Variants in HDAC11 observed in about 807,000 individuals in gnomAD.
HDAC11 encodes the protein histone deacetylase 11.
A neutral mutation model predicts 41.1 loss-of-function variants in HDAC11; 23 were observed. The observed-to-expected ratio is 0.56, with a 90% CI of 0.40 to 0.79. HDAC11 has a LOEUF of 0.79. HDAC11 is among the 30% of genes least tolerant of loss of function. The probability of loss-of-function intolerance (pLI) is 0.00; values close to 1 mark genes in which losing one functional copy is unlikely to be tolerated. For missense variants in HDAC11, 402 were observed against 477.3 expected (o/e 0.84, Z 1.47); for synonymous variants, 187 against 186.6 (o/e 1.00, Z -0.02).
intron 3 of HDAC11, among the ~76,000 whole-genome samples, chr3:13,487,882 C>G (rs79943116): frequency 2.6e-5 from 4 of 151,576 alleles, no homozygotes; most frequent in Non-Finnish European, 5.9e-5. Flanking sequence ...TGCTGAGTGT[C>G]GTGAAGAAAG....
intron 4 of HDAC11, among the ~76,000 whole-genome samples, chr3:13,497,353 A>G (rs1702147982): frequency 6.6e-6 from 1 of 151,790 alleles, no homozygotes; most frequent in East Asian, 1.9e-4. Context: ...TAATTTTTGT[A>G]TTTTTAGTAG....
At chr3:13,489,998 CT>C (rs144558733) in intron 3 of HDAC11, among the ~76,000 whole-genome samples, 231 of 144,836 alleles carry the variant, frequency 1.6e-3, no homozygotes, top group Non-Finnish European at 1.5e-3. Context: ...CAACTTTGTT[CT>C]TTTTTTTTTT....
Position 13,483,336 on chromosome 3 carries a change from C to T in HDAC11, c.152-128C>T, listed in dbSNP as rs1701409316. On this transcript the variant is annotated intron_variant, in intron 2 of 9. Transcript: ENST00000295757. ...TACCCCTTCTCAGAAGGCCCACAAG[C>T]CAGCAGTGCCTACCTACCCCTGGGG... 16 of 716,816 alleles carry T rather than the reference C, an allele frequency of 2.2e-5. No individual in the cohort carries two copies. The South Asian group carries it at 2.4e-4, about 11-fold the overall frequency. The allele number at this position is 716,816 out of a possible 1,614,324, so 44.4% of individuals were successfully genotyped here. A position where few individuals can be genotyped will look rare whatever the true frequency, so the allele number is the denominator to read the frequency against.
chr3:13,486,984 A>G (rs1701625986), intron 3 of HDAC11, among the ~76,000 whole-genome samples: 1 of 152,148 alleles, frequency 6.6e-6, no homozygotes, highest in African/African-American at 2.4e-5. Flanking sequence ...GCCGGATGGA[A>G]GGGAATAAAA....
intron 4 of HDAC11, among the ~76,000 whole-genome samples, chr3:13,498,044 C>T (rs373394727): frequency 1.3e-5 from 2 of 151,688 alleles, no homozygotes; most frequent in South Asian, 2.1e-4. Context: ...TTAGTAGAGA[C>T]GGGGTTTCAC....
In HDAC11 at chr3:13,505,248, GC is replaced by G. The variant is rs2125013514; in HGVS notation, c.*567del. 1 of 161,494 alleles carries G rather than the reference GC, an allele frequency of 6.2e-6. No homozygotes were observed. Among genetic ancestry groups the G allele is most frequent in the Non-Finnish European group, 1.4e-5 (1 of 72,898 alleles). 10.0% of individuals were successfully genotyped at this position (161,494 alleles called of 1,614,324 possible). A position where few individuals can be genotyped will look rare whatever the true frequency, so the allele number is the denominator to read the frequency against. On this transcript the variant is annotated 3_prime_UTR_variant, in exon 10 of 10. Transcript: ENST00000295757. ...CCCAGGCAGCAGGTGGGAACCCTGG[GC>G]CTGGATGTGAGGGGCGGTCAGGAAG...
intron 3 of HDAC11, among the ~76,000 whole-genome samples, chr3:13,488,036 A>G (rs1284429425): frequency 6.6e-6 from 1 of 151,108 alleles, no homozygotes; most frequent in Non-Finnish European, 1.5e-5. Flanking sequence ...CATCTGGGGA[A>G]GGGCATTCCA....
intron 2 of HDAC11, among the ~76,000 whole-genome samples, chr3:13,481,647 T>C (rs945788952): frequency 1.3e-5 from 2 of 152,150 alleles, no homozygotes; most frequent in Admixed American, 1.3e-4. Flanking sequence ...AGAGGCCTAG[T>C]GGAAAGGTAG....
Position 13,502,419 on chromosome 3 carries a change from C to CA in HDAC11, c.553-464dup. ...TCCTCCTCAGGACCCCTAATGAGGC[C>CA]AGTGCCTCTGGTCAGACAGGGAGGG... On this transcript the variant is annotated intron_variant, in intron 7 of 9. Coordinates refer to ENST00000295757, the MANE Select transcript of HDAC11 (RefSeq NM_024827.4). This position sits in a 1 kb window ranked among gnomAD's most constrained non-coding sequence, Gnocchi z 4.1. 5.3e-6 allele frequency: 1 copy of CA among 187,140 alleles called. No homozygotes were observed. The highest frequency in any genetic ancestry group is 1.1e-5 in the Non-Finnish European group (1 of 89,726). The allele number at this position is 187,140 out of a possible 1,614,324, so 11.6% of individuals were successfully genotyped here. A position where few individuals can be genotyped will look rare whatever the true frequency, so the allele number is the denominator to read the frequency against.
chr3:13,493,903 C>T (rs1701975118), intron 3 of HDAC11, among the ~76,000 whole-genome samples: 1 of 152,224 alleles, frequency 6.6e-6, no homozygotes, highest in South Asian at 2.1e-4. Context: ...AAGTGTGTCC[C>T]ATGCCACTGC....
intron 3 of HDAC11, among the ~76,000 whole-genome samples, chr3:13,489,945 G>A (rs1701769492): frequency 6.6e-6 from 1 of 151,298 alleles, no homozygotes; most frequent in African/African-American, 2.4e-5. Context: ...TGTGGTTATT[G>A]TGGCTTTGGA....
In HDAC11 at chr3:13,504,539, C is replaced by T. The variant is rs377587104; in HGVS notation, c.900C>T (p.Thr300=). Residue 300 remains threonine, a synonymous_variant, in exon 10 of 10, where the codon ACC becomes ACT. Transcript: ENST00000295757. ...RGRRVPILMV[T]SGGYQKRTAR... is the part of the protein sequence containing the mutation. ...GCCGGGTGCCCATCCTTATGGTGAC[C>T]TCAGGCGGGTACCAGAAGCGCACAG... 2.0e-5 allele frequency: 33 copies of T among 1,613,458 alleles called. No homozygotes were observed. The highest frequency in any genetic ancestry group is 2.6e-5 in the Non-Finnish European group (31 of 1,180,030).
rs192300982 is a variant in HDAC11 at position 13,497,942 on chromosome 3, G to C, written c.370-571G>C. Among the ~76,000 whole-genome samples, 512 of 135,132 alleles carry C rather than the reference G, an allele frequency of 3.8e-3. 6 individuals carry two copies. The highest frequency in any genetic ancestry group is 0.029 in the South Asian group (126 of 4,352). The allele number at this position is 135,132 out of a possible 152,430, so 88.7% of individuals were successfully genotyped here. ...GTGACCTTGGCTCACTGCAACCTCT[G>C]CCTCCTGGGTTCAAGTGATTCTCCT... is the stretch of plus-strand genomic sequence containing the variant. On this transcript the variant is annotated intron_variant, in intron 4 of 9. Transcript: ENST00000295757.
intron 5 of HDAC11, among the ~76,000 whole-genome samples, chr3:13,499,771 C>T (rs1702267857): frequency 1.3e-5 from 2 of 152,168 alleles, no homozygotes; most frequent in Admixed American, 6.5e-5. Flanking sequence ...GATCTGTGCC[C>T]TGCGTGTCTA....
intron 8 of HDAC11, 92 bp downstream of exon 8, chr3:13,503,072 C>A: frequency 2.2e-6 from 2 of 904,602 alleles, no homozygotes; most frequent in Non-Finnish European, 3.6e-6. Flanking sequence ...CTGCAGAAGC[C>A]ACTGCAGTGG....
At chr3:13,492,848 G>A (rs1020464688) in intron 3 of HDAC11, among the ~76,000 whole-genome samples, 1 of 152,180 alleles carries the variant, frequency 6.6e-6, no homozygotes, top group African/African-American at 2.4e-5. Context: ...CTGGCTGGGT[G>A]TGGGGATTTT....
rs755912986 is a variant in HDAC11, at chr3:13,503,016, C to T, written c.649+36C>T. ...GCCCCTACCCTCATCTTGGGTGTGT[C>T]CTTGTGGATGAGGCTCTCTCCTGAG... On this transcript the variant is annotated intron_variant, in intron 8 of 9. Transcript: ENST00000295757. 8.6e-6 allele frequency: 13 copies of T among 1,508,404 alleles called. No homozygotes were observed. In the African/African-American group the frequency reaches 1.6e-4, roughly 19 times the overall value. The allele number at this position is 1,508,404 out of a possible 1,614,324, so 93.4% of individuals were successfully genotyped here.
At chr3:13,494,449 C>A (rs781057680) in intron 3 of HDAC11, among the ~76,000 whole-genome samples, 1 of 152,234 alleles carries the variant, frequency 6.6e-6, no homozygotes, top group African/African-American at 2.4e-5. Context: ...CACGCACACA[C>A]GCACACGGAC....
chr3:13,505,303 T>A lies in HDAC11; in HGVS notation c.*620T>A, dbSNP rs1429317796. On this transcript the variant is annotated 3_prime_UTR_variant, in exon 10 of 10. Transcript: ENST00000295757. ...TACAGGTGGGTTCCCTCATCTGGAG[T>A]TCCCCCTCAATAAAGCAAGGTCTGG... 6.3e-6 allele frequency: 1 copy of A among 157,646 alleles called. No homozygotes were observed. Among genetic ancestry groups the A allele is most frequent in the Non-Finnish European group, 1.4e-5 (1 of 71,174 alleles). 9.8% of individuals were successfully genotyped at this position (157,646 alleles called of 1,614,324 possible). A position where few individuals can be genotyped will look rare whatever the true frequency, so the allele number is the denominator to read the frequency against.
Sources: gnomAD v4.1 joint callset for allele counts (sites outside exome capture counted in the v4.1 genomes callset) on GRCh38, gnomAD v4.1.1 for gene constraint, Gnocchi (gnomAD v3.1) non-coding constraint, MANE v1.5 for transcripts, NCBI Gene and HGNC (gene_info 2026-07-23, HGNC 2026-07-21) for gene names.